FAR2: variants seen among roughly 807,000 people sequenced by gnomAD.
FAR2 encodes the protein epididymis secretory protein Li 81.
FAR2 carries 19 observed loss-of-function variants against 56.0 expected under a neutral mutation model. The observed-to-expected ratio is 0.34, with a 90% confidence interval of 0.24 to 0.50. The LOEUF (loss-of-function observed/expected upper bound fraction) is 0.50, where lower values mean the gene tolerates loss of function less well. Ranked by LOEUF, FAR2 falls within the 20% of genes least tolerant of loss-of-function variation. The pLI, the probability that FAR2 is intolerant of heterozygous loss-of-function variation, is 0.98. For missense variants in FAR2, 508 were observed against 642.2 expected, an observed-to-expected ratio of 0.79 and a Z score of 2.26; for synonymous variants, 219 against 218.8, an observed-to-expected ratio of 1.00 and a Z score of -0.01.
Position 29,149,369 on chromosome 12 carries a change from G to A in FAR2, c.-77G>A, listed in dbSNP as rs1287606976. On this transcript the variant is annotated 5_prime_UTR_variant, in exon 1 of 12. Transcript: ENST00000536681. ...CTCGGGGAAGGAGCAGGATTTAGAG[G>A]ACCACTAGTTGGACCCCATCCTCGT... 6.6e-6 allele frequency: 1 copy of A among 152,478 alleles called. No individual in the cohort carries two copies. The highest frequency in any genetic ancestry group is 1.9e-4 in the East Asian group (1 of 5,206). The allele number at this position is 152,478 out of a possible 1,614,324, so 9.4% of individuals were successfully genotyped here.
intron 1 of FAR2, among the ~76,000 whole-genome samples, chr12:29,171,165 T>C (rs563117960): frequency 3.9e-4 from 59 of 152,300 alleles, no homozygotes; most frequent in Non-Finnish European, 7.5e-4. Context: ...GAGAAAGCCA[T>C]GCCAGTGTCC....
chr12:29,210,069 G>A lies in FAR2; in HGVS notation c.-38-60343G>A, dbSNP rs927842788. Among the ~76,000 whole-genome samples the A allele has an allele frequency of 2.6e-5, 4 of 152,042 alleles. No homozygotes were observed. The East Asian group carries it at 5.8e-4, about 22-fold the overall frequency. On this transcript the variant is annotated intron_variant, in intron 1 of 11. Transcript: ENST00000536681. ...TAAAAATAAAAATAATCAACCGGGT[G>A]TGGTGGCGTGCACCTGTAGTCCCAG...
chr12:29,162,774 A>C (rs1013756207), intron 1 of FAR2, among the ~76,000 whole-genome samples: 1 of 152,168 alleles, frequency 6.6e-6, no homozygotes, highest in African/African-American at 2.4e-5. Context: ...TCACACATTT[A>C]CTGTCTCATT....
rs569582118 is a variant in FAR2 at position 29,185,931 on chromosome 12, G to A, written c.-39+36524G>A. Among the ~76,000 whole-genome samples, 4 of 152,238 alleles carry A rather than the reference G, an allele frequency of 2.6e-5. No homozygotes were observed. The South Asian group carries it at 8.3e-4, about 32-fold the overall frequency. On this transcript the variant is annotated intron_variant, in intron 1 of 11. Coordinates refer to ENST00000536681, the MANE Select transcript of FAR2 (RefSeq NM_001271783.2). ...GAAGGAAAAACTGATGTTCACATAT[G>A]ATACGAGATTTTTCCATGATGTTCT...
chr12:29,182,263 G>A (rs1456068791), intron 1 of FAR2, among the ~76,000 whole-genome samples: 14 of 152,184 alleles, frequency 9.2e-5, no homozygotes, highest in Non-Finnish European at 1.5e-5. Context: ...CGTATGGAAG[G>A]GGACCCGAGT....
intron 1 of FAR2, among the ~76,000 whole-genome samples, chr12:29,157,891 G>C (rs1200295957): frequency 6.6e-6 from 1 of 152,218 alleles, no homozygotes; most frequent in Non-Finnish European, 1.5e-5. Context: ...AAAAGAATCT[G>C]CCCAGAAGAA....
In FAR2 at chr12:29,293,494, C is replaced by A; in HGVS notation, c.365+19C>A. On this transcript the variant is annotated intron_variant, in intron 3 of 11. Transcript: ENST00000536681. Reference sequence around the variant, plus strand: ...CTCTCAGGTACATTCCCATTTCCCTCTCATGGCTTGTATACATATGTGTGC... The same window carrying A: ...CTCTCAGGTACATTCCCATTTCCCTATCATGGCTTGTATACATATGTGTGC... 1 of 1,504,486 alleles carries A rather than the reference C, an allele frequency of 6.6e-7. No homozygotes were observed. The allele number at this position is 1,504,486 out of a possible 1,614,324, so 93.2% of individuals were successfully genotyped here.
intron 1 of FAR2, among the ~76,000 whole-genome samples, chr12:29,160,233 A>T (rs967344949): frequency 6.6e-6 from 1 of 152,228 alleles, no homozygotes; most frequent in African/African-American, 2.4e-5. Context: ...CCTCACAGAG[A>T]CTGTACAGCT....
rs552675329 is a variant in FAR2, at chr12:29,194,179, C to T, written c.-39+44772C>T. On this transcript the variant is annotated intron_variant, in intron 1 of 11. Coordinates refer to ENST00000536681, the MANE Select transcript of FAR2 (RefSeq NM_001271783.2). ...TTCCTAGAGGAATAAAACTGTGTTT[C>T]CTTTATAGTTAATAGAAACAAAAAG... 1.4e-3 allele frequency among the ~76,000 whole-genome samples: 209 copies of T among 152,206 alleles called. No homozygotes were observed. The Middle Eastern group carries it at 0.017, about 12-fold the overall frequency.
intron 7 of FAR2, 46 bp from the exon 8 acceptor site, chr12:29,311,837 G>T: frequency 1.5e-6 from 2 of 1,344,548 alleles, no homozygotes; most frequent in Admixed American, 1.9e-5. Context: ...TCTCTCATTA[G>T]TTTTCTATTT....
intron 1 of FAR2, among the ~76,000 whole-genome samples, chr12:29,229,911 G>A (rs1202137520): frequency 6.6e-6 from 1 of 152,082 alleles, no homozygotes; most frequent in East Asian, 1.9e-4. Context: ...ACACAGAAGA[G>A]CTGGAGAACA....
intron 1 of FAR2, among the ~76,000 whole-genome samples, chr12:29,220,892 CCTTCGACTTAGGGTT>C (rs1947679838): frequency 6.6e-6 from 1 of 152,116 alleles, no homozygotes; most frequent in Non-Finnish European, 1.5e-5. Context: ...CATGGTTTGA[CCTTCGACTTAGGGTT>C]TTATATGTTG....
In FAR2 at chr12:29,334,627, A is replaced by G. The variant is rs2136836521; in HGVS notation, c.*833A>G. On this transcript the variant is annotated 3_prime_UTR_variant, in exon 12 of 12. Transcript: ENST00000536681. ...CTTTATATTTAAGCTTTTTCCACTC[A>G]GGACTCAATTAGAGTGGTCAACAGG... 6.6e-6 allele frequency: 1 copy of G among 152,286 alleles called. No homozygotes were observed. The highest frequency in any genetic ancestry group is 2.1e-4 in the South Asian group (1 of 4,828). The allele number at this position is 152,286 out of a possible 1,614,324, so 9.4% of individuals were successfully genotyped here. A position where few individuals can be genotyped will look rare whatever the true frequency, so the allele number is the denominator to read the frequency against.
chr12:29,270,941 A>C (rs551598891), intron 2 of FAR2, among the ~76,000 whole-genome samples: 69 of 152,368 alleles, frequency 4.5e-4, no homozygotes, highest in Non-Finnish European at 7.8e-4. Context: ...CTGCAAGTTC[A>C]TCTGAATTCT....
intron 2 of FAR2, among the ~76,000 whole-genome samples, chr12:29,276,963 A>G (rs560201491): frequency 2.0e-5 from 3 of 151,858 alleles, no homozygotes; most frequent in East Asian, 3.9e-4. Context: ...AATAGATAAA[A>G]TACGTTTTTT....
At position 29,269,573 on chromosome 12, in the gene FAR2, C is replaced by T. The variant is rs371412734; in HGVS notation, c.-38-839C>T. On this transcript the variant is annotated intron_variant, in intron 1 of 11. Coordinates refer to ENST00000536681, the MANE Select transcript of FAR2 (RefSeq NM_001271783.2). ...GCATAGGAAATCACCAGGGTATTGA[C>T]TGGGGAAGTGATAAGTGTCCATGAA... Among the ~76,000 whole-genome samples, 21 of 152,254 alleles carry T rather than the reference C, an allele frequency of 1.4e-4. No individual in the cohort carries two copies. The East Asian group carries it at 1.7e-3, about 13-fold the overall frequency.
chr12:29,156,192 G>A (rs1224862324), intron 1 of FAR2, among the ~76,000 whole-genome samples: 1 of 152,152 alleles, frequency 6.6e-6, no homozygotes, highest in East Asian at 1.9e-4. Flanking sequence ...ACAGCGGAAT[G>A]ACTATAGTCA....
At chr12:29,149,464 G>A (rs577973474) in intron 1 of FAR2, 57 bp downstream of exon 1, 14 of 152,464 alleles carry the variant, frequency 9.2e-5, no homozygotes, top group African/African-American at 3.1e-4. Flanking sequence ...CAAAAGCAGA[G>A]ACCGGACTGG....
intron 1 of FAR2, among the ~76,000 whole-genome samples, chr12:29,233,586 C>T (rs536618053): frequency 1.2e-4 from 18 of 152,314 alleles, no homozygotes; most frequent in African/African-American, 3.8e-4. Context: ...AGATGTCTCT[C>T]CTCGTGTCAT....
Sources: allele counts gnomAD v4.1 joint callset (sites outside exome capture counted in the v4.1 genomes callset), GRCh38; gene constraint gnomAD v4.1.1; transcripts MANE v1.5; gene names NCBI Gene and HGNC (gene_info 2026-07-23, HGNC 2026-07-21).